Variants in RGS7 observed in about 807,000 individuals in gnomAD.
RGS7 encodes the protein regulator of G protein signaling 7.
Under a neutral mutation model 81.1 loss-of-function variants are expected in RGS7, and 27 were observed. The ratio of observed to expected loss-of-function variants is 0.33; its 90% CI spans 0.25 to 0.46. The LOEUF is 0.46. Ranked by LOEUF, RGS7 falls within the 20% of genes least tolerant of loss-of-function variation. RGS7 has a pLI of 1.00. For missense variants in RGS7, 396 were observed against 607.4 expected, an observed-to-expected ratio of 0.65 and a Z score of 3.66; for synonymous variants, 208 against 207.7, an observed-to-expected ratio of 1.00 and a Z score of -0.01.
At chr1:241,190,917 T>G (rs773574572) in intron 2 of RGS7, among the ~76,000 whole-genome samples, 5 of 152,188 alleles carry the variant, frequency 3.3e-5, no homozygotes, top group Non-Finnish European at 7.3e-5. Flanking sequence ...TTAAGTGTAA[T>G]GTTAGCTGTA....
At chr1:241,126,814 T>TG in intron 2 of RGS7, among the ~76,000 whole-genome samples, 1 of 152,050 alleles carries the variant, frequency 6.6e-6, no homozygotes, top group East Asian at 1.9e-4. Flanking sequence ...AGTTGATTTT[T>TG]TTTTTTTTTG....
intron 15 of RGS7, among the ~76,000 whole-genome samples, chr1:240,803,276 A>C (rs1178556753): frequency 2.0e-5 from 3 of 152,178 alleles, no homozygotes; most frequent in African/African-American, 7.2e-5. Context: ...AATTACCTCA[A>C]ATCAAGTTGT....
intron 3 of RGS7, among the ~76,000 whole-genome samples, chr1:241,047,454 T>G (rs2060995252): frequency 6.7e-6 from 1 of 149,836 alleles, no homozygotes; most frequent in Non-Finnish European, 1.5e-5. Flanking sequence ...AAGGATTACC[T>G]GTTAAACACG....
chr1:240,887,261 C>T lies in RGS7; in HGVS notation c.386-17142G>A, dbSNP rs1287237652. ...TTTTTTTTTTTGAGATGGAGTCTTG[C>T]TCTTTTGCCCAGGCCGGAGTGCAGT... On this transcript the variant is annotated intron_variant, in intron 6 of 18. Coordinates refer to ENST00000440928, the MANE Select transcript of RGS7 (RefSeq NM_001364886.1). 3.6e-5 allele frequency among the ~76,000 whole-genome samples: 3 copies of T among 84,346 alleles called. No individual in the cohort carries two copies. In the East Asian group the frequency reaches 1.1e-3, roughly 31 times the overall value. 55.3% of individuals were successfully genotyped at this position (84,346 alleles called of 152,430 possible).
intron 2 of RGS7, among the ~76,000 whole-genome samples, chr1:241,269,666 A>C (rs1483015275): frequency 6.6e-6 from 1 of 152,230 alleles, no homozygotes; most frequent in Non-Finnish European, 1.5e-5. Context: ...GAAGAAATCG[A>C]AAAAGAAAGA....
chr1:241,348,550 C>T (rs2083047842), intron 2 of RGS7, among the ~76,000 whole-genome samples: 1 of 152,192 alleles, frequency 6.6e-6, no homozygotes, highest in South Asian at 2.1e-4. Context: ...TAAATAAAGA[C>T]CTGAATTCAA....
chr1:241,299,720 C>T (rs12354404), intron 2 of RGS7, among the ~76,000 whole-genome samples: 3,495 of 151,646 alleles, frequency 0.023, 145 homozygotes, highest in African/African-American at 0.081. Context: ...CAACCTGGTA[C>T]GATTACATAT....
chr1:241,019,725 T>C (rs2059447022), intron 3 of RGS7, among the ~76,000 whole-genome samples: 1 of 152,238 alleles, frequency 6.6e-6, no homozygotes, highest in South Asian at 2.1e-4. Flanking sequence ...CTATGGTATA[T>C]ATGTGCCACA....
intron 2 of RGS7, among the ~76,000 whole-genome samples, chr1:241,220,997 G>GGAAGAAAGAA (rs1558203322): frequency 3.0e-4 from 27 of 90,226 alleles, no homozygotes; most frequent in African/African-American, 7.7e-4. Context: ...AAGGAAGGAA[G>GGAAGAAAGAA]AGAGAGAGAA....
chr1:241,293,243 A>C (rs1274577345), intron 2 of RGS7, among the ~76,000 whole-genome samples: 1 of 152,050 alleles, frequency 6.6e-6, no homozygotes, highest in African/African-American at 2.4e-5. Flanking sequence ...CTGCTAGTTG[A>C]AAAAGTGTAG....
chr1:241,187,641 T>C (rs772163741), intron 2 of RGS7, among the ~76,000 whole-genome samples: 9 of 152,216 alleles, frequency 5.9e-5, no homozygotes, highest in Non-Finnish European at 1.2e-4. Flanking sequence ...AAAGTTCTCA[T>C]CTTTTAGCCT....
intron 3 of RGS7, among the ~76,000 whole-genome samples, chr1:241,046,414 C>T (rs1458582234): frequency 6.6e-6 from 1 of 151,992 alleles, no homozygotes; most frequent in African/African-American, 2.4e-5. Flanking sequence ...CATGTTCTCA[C>T]TTATAACTGA....
chr1:241,139,295 T>TTTCCTTCCTTCC (rs140713971), intron 2 of RGS7, among the ~76,000 whole-genome samples: 111 of 150,282 alleles, frequency 7.4e-4, no homozygotes, highest in African/African-American at 2.6e-3. Flanking sequence ...TCCTTCCTTC[T>TTTCCTTCCTTCC]TTCCTTCCTT....
chr1:241,156,275 T>G (rs962308413), intron 2 of RGS7, among the ~76,000 whole-genome samples: 27 of 151,952 alleles, frequency 1.8e-4, no homozygotes, highest in African/African-American at 4.6e-4. Flanking sequence ...GAGGATTGCT[T>G]GAGCCCAGGA....
intron 2 of RGS7, among the ~76,000 whole-genome samples, chr1:241,256,139 AAAT>A (rs1461584695): frequency 6.6e-6 from 1 of 152,218 alleles, no homozygotes; most frequent in Non-Finnish European, 1.5e-5. Flanking sequence ...CCAATAAAAC[AAAT>A]TCATTTCAGC....
intron 2 of RGS7, among the ~76,000 whole-genome samples, chr1:241,206,781 C>T (rs951636430): frequency 1.3e-5 from 2 of 152,010 alleles, no homozygotes; most frequent in South Asian, 2.1e-4. Flanking sequence ...TCCATGTTAA[C>T]CCTAACTTAA....
chr1:241,252,372 G>T (rs918401744), intron 2 of RGS7, among the ~76,000 whole-genome samples: 5 of 152,148 alleles, frequency 3.3e-5, no homozygotes, highest in African/African-American at 1.2e-4. Flanking sequence ...AACTGTAAAA[G>T]CAACTGAAAC....
chr1:241,303,918 C>T lies in RGS7; in HGVS notation c.78+51781G>A, dbSNP rs112724281. Among the ~76,000 whole-genome samples the T allele has an allele frequency of 6.6e-5, 10 of 152,242 alleles. 1 individual carries two copies. Among genetic ancestry groups the T allele is most frequent in the African/African-American group, 2.2e-4 (9 of 41,542 alleles). ...CTTCTTCATAGGTGCAGGTGGTGCACGTCCATCAGAAGGAACTGTCATGCT... is the reference window on the plus strand; with the variant it reads ...CTTCTTCATAGGTGCAGGTGGTGCATGTCCATCAGAAGGAACTGTCATGCT... On this transcript the variant is annotated intron_variant, in intron 2 of 18. Coordinates refer to ENST00000440928, the MANE Select transcript of RGS7 (RefSeq NM_001364886.1).
chr1:241,153,413 A>G (rs2068891938), intron 2 of RGS7, among the ~76,000 whole-genome samples: 2 of 152,240 alleles, frequency 1.3e-5, no homozygotes, highest in Admixed American at 1.3e-4. Flanking sequence ...GCGCTGAACA[A>G]TTTGGTGAAG....
Sources: allele counts gnomAD v4.1 joint callset (sites outside exome capture counted in the v4.1 genomes callset), GRCh38; gene constraint gnomAD v4.1.1; transcripts MANE v1.5; gene names NCBI Gene and HGNC (gene_info 2026-07-23, HGNC 2026-07-21).